PIEZO2: variants seen among roughly 807,000 people sequenced by gnomAD.
PIEZO2 encodes piezo type mechanosensitive ion channel component 2.
Under a neutral mutation model 337.3 loss-of-function variants are expected in PIEZO2, and 172 were observed. That is an observed-to-expected ratio of 0.51 (90% confidence interval 0.45 to 0.58). The LOEUF is 0.58. PIEZO2 is among the 20% of genes least tolerant of loss of function. The pLI, the probability that PIEZO2 is intolerant of heterozygous loss-of-function variation, is 0.00. For synonymous variants in PIEZO2, 1,251 were observed against 1,228.5 expected (o/e 1.02, Z -0.38); for missense variants, 3,028 against 3,391.3 (o/e 0.89, Z 2.66).
intron 1 of PIEZO2, among the ~76,000 whole-genome samples, chr18:11,142,358 C>T (rs536785886): frequency 5.3e-5 from 8 of 152,332 alleles, no homozygotes; most frequent in Middle Eastern, 6.8e-3. Context: ...GTGTCTCTGA[C>T]GGGCTTTTCA....
intron 11 of PIEZO2, among the ~76,000 whole-genome samples, chr18:10,798,943 G>A (rs1334652921): frequency 6.6e-6 from 1 of 152,018 alleles, no homozygotes; most frequent in Non-Finnish European, 1.5e-5. Flanking sequence ...TTGAAGCTAT[G>A]CAGCTCTCAG....
At chr18:11,022,965 G>A (rs1235218954) in intron 2 of PIEZO2, among the ~76,000 whole-genome samples, 1 of 151,886 alleles carries the variant, frequency 6.6e-6, no homozygotes, top group East Asian at 1.9e-4. Flanking sequence ...GCGCACCTTC[G>A]CAGCGAGTGT....
At chr18:10,752,301 A>C (rs2037678801) in intron 28 of PIEZO2, among the ~76,000 whole-genome samples, 1 of 152,220 alleles carries the variant, frequency 6.6e-6, no homozygotes, top group Non-Finnish European at 1.5e-5. Flanking sequence ...TTCAGCTCTT[A>C]ACAGGGCCAC....
At chr18:10,935,380 T>C (rs1408996485) in intron 3 of PIEZO2, among the ~76,000 whole-genome samples, 6 of 152,192 alleles carry the variant, frequency 3.9e-5, no homozygotes, top group Admixed American at 3.3e-4. Context: ...TGAGAGCTAC[T>C]CAGGGGGCAG....
rs1424205504 is a variant in PIEZO2 at position 10,855,620 on chromosome 18, C to CAATAAAA, written c.704-55_704-54insTTTTATT. The CAATAAAA allele has an allele frequency of 1.5e-6, 2 of 1,324,566 alleles. No homozygotes were observed. Among genetic ancestry groups the CAATAAAA allele is most frequent in the Non-Finnish European group, 2.1e-6 (2 of 961,910 alleles). The allele number at this position is 1,324,566 out of a possible 1,614,324, so 82.1% of individuals were successfully genotyped here. Reference sequence around the variant, plus strand: ...CAGGTAGAACTGGAAATTCACTTATCATTCAGTGAATGTGACTATTTGAAA... The same window carrying CAATAAAA: ...CAGGTAGAACTGGAAATTCACTTATCAATAAAAATTCAGTGAATGTGACTATTTGAAA... On this transcript the variant is annotated intron_variant, in intron 6 of 55. Transcript: ENST00000674853. The surrounding 1 kb of genome is among the most constrained non-coding windows in gnomAD (Gnocchi z 4.9).
intron 2 of PIEZO2, among the ~76,000 whole-genome samples, chr18:11,057,202 C>A (rs557955308): frequency 3.9e-4 from 59 of 152,138 alleles, no homozygotes; most frequent in Non-Finnish European, 5.7e-4. Flanking sequence ...TTGGCTCCCC[C>A]CAGCCTTCCT....
chr18:10,882,320 T>G (rs1233990315), intron 4 of PIEZO2, among the ~76,000 whole-genome samples: 1 of 152,186 alleles, frequency 6.6e-6, no homozygotes, highest in Non-Finnish European at 1.5e-5. Context: ...ACCCAAGGCC[T>G]TTCTCCAGTT....
chr18:11,144,188 G>C (rs2040748641), intron 1 of PIEZO2, among the ~76,000 whole-genome samples: 1 of 152,190 alleles, frequency 6.6e-6, no homozygotes, highest in Non-Finnish European at 1.5e-5. Context: ...CGGACACATA[G>C]CTGCAGCACC....
chr18:11,120,594 C>T (rs1033600120), intron 1 of PIEZO2, among the ~76,000 whole-genome samples: 1 of 152,142 alleles, frequency 6.6e-6, no homozygotes, highest in Non-Finnish European at 1.5e-5. Flanking sequence ...TAAAGGACTA[C>T]TGAACAGCCT....
In PIEZO2 at chr18:10,809,260, C is replaced by CTTTTTTTT. The variant is rs869210659; in HGVS notation, c.918-1994_918-1987dup. 5.6e-4 allele frequency among the ~76,000 whole-genome samples: 37 copies of CTTTTTTTT among 65,834 alleles called. 3 individuals are homozygous for CTTTTTTTT. The highest frequency in any genetic ancestry group is 9.5e-4 in the East Asian group (2 of 2,106). The allele number at this position is 65,834 out of a possible 152,430, so 43.2% of individuals were successfully genotyped here. On this transcript the variant is annotated intron_variant, in intron 7 of 55. Coordinates refer to ENST00000674853, the MANE Select transcript of PIEZO2 (RefSeq NM_001378183.1). Reference sequence around the variant, plus strand: ...ACCTAAGATTTCTCTCTCTCTCTCTCTTTTTTTTTTTTTTTTTTTTTTTTT... The same window carrying CTTTTTTTT: ...ACCTAAGATTTCTCTCTCTCTCTCTCTTTTTTTTTTTTTTTTTTTTTTTTTTTTTTTTT...
At chr18:10,671,847 A>G (rs1004982984) in intron 55 of PIEZO2, 68 bp from the exon 56 acceptor site, 22 of 1,352,672 alleles carry the variant, frequency 1.6e-5, no homozygotes, top group Non-Finnish European at 2.2e-5. Context: ...AAGCATGTCT[A>G]AAAGAAAAAA....
chr18:11,074,663 A>G (rs1414674798), intron 1 of PIEZO2, among the ~76,000 whole-genome samples: 1 of 152,256 alleles, frequency 6.6e-6, no homozygotes, highest in East Asian at 1.9e-4. Context: ...CTCAAGAAGT[A>G]GGAAAAATGA....
rs978368468 is a variant in PIEZO2, at chr18:10,973,705, T to C, written c.286+5830A>G. Among the ~76,000 whole-genome samples the C allele has an allele frequency of 1.3e-5, 2 of 151,964 alleles. No homozygotes were observed. The highest frequency in any genetic ancestry group is 4.8e-5 in the African/African-American group (2 of 41,374). ...TGTTGTGCCTGAATGAGTTAGGGAA[T>C]GGAAAGAGAAGGGGACGGGGCAAGG... On this transcript the variant is annotated intron_variant, in intron 3 of 55. Transcript: ENST00000674853. This position sits in a 1 kb window ranked among gnomAD's most constrained non-coding sequence, Gnocchi z 4.9.
chr18:10,916,225 G>A (rs1291017864), intron 3 of PIEZO2, among the ~76,000 whole-genome samples: 1 of 152,184 alleles, frequency 6.6e-6, no homozygotes, highest in Non-Finnish European at 1.5e-5. Flanking sequence ...GAGCCCAGCT[G>A]GCTTCGCCTA....
chr18:11,083,898 C>T lies in PIEZO2; in HGVS notation c.65-17676G>A, dbSNP rs142761514. ...ATTCAATTAAGAGAAAGGAGAGGGC[C>T]GGGAGTGGGGGCTCATGCCTGTTAT... On this transcript the variant is annotated intron_variant, in intron 1 of 55. Coordinates refer to ENST00000674853, the MANE Select transcript of PIEZO2 (RefSeq NM_001378183.1). The surrounding 1 kb of genome is among the most constrained non-coding windows in gnomAD (Gnocchi z 4.4). 1.3e-5 allele frequency among the ~76,000 whole-genome samples: 2 copies of T among 151,836 alleles called. No individual in the cohort carries two copies. The highest frequency in any genetic ancestry group is 2.4e-5 in the African/African-American group (1 of 41,338).
chr18:11,091,172 T>C (rs1269285241), intron 1 of PIEZO2, among the ~76,000 whole-genome samples: 4 of 151,580 alleles, frequency 2.6e-5, no homozygotes, highest in Non-Finnish European at 4.4e-5. Context: ...GATCACGAGG[T>C]CAGGAGTTGA....
chr18:10,791,312 T>C lies in PIEZO2; in HGVS notation c.1771A>G (p.Ile591Val). The C allele has an allele frequency of 6.6e-7, 1 of 1,513,184 alleles. No homozygotes were observed. Among genetic ancestry groups the C allele is most frequent in the Non-Finnish European group, 8.8e-7 (1 of 1,136,140 alleles). 93.7% of individuals were successfully genotyped at this position (1,513,184 alleles called of 1,614,324 possible). A position where few individuals can be genotyped will look rare whatever the true frequency, so the allele number is the denominator to read the frequency against. Residue 591 changes from isoleucine (I) to valine (V), a missense_variant, in exon 14 of 56, where the codon ATT becomes GTT. Coordinates refer to ENST00000674853, the MANE Select transcript of PIEZO2 (RefSeq NM_001378183.1). ...GELASKILFTITFWLLLRQHL... is the reference protein window; with the variant it reads ...GELASKILFTVTFWLLLRQHL... Reference sequence around the variant, plus strand: ...TGCCTCAGCAGTAGCCAAAAAGTAATGGTGAAAAGGATCTGAAAGTAGAGA... The same window carrying C: ...TGCCTCAGCAGTAGCCAAAAAGTAACGGTGAAAAGGATCTGAAAGTAGAGA...
chr18:10,714,818 C>T lies in PIEZO2; in HGVS notation c.5369G>A (p.Gly1790Asp). The change falls in exon 39 of 56, where the codon GGT becomes GAT. Residue 1790 changes from glycine to aspartate, a missense_variant. This residue lies in a region of PIEZO2 where 1,925 missense variants were observed against 2,051.9 expected (regional missense o/e 0.94). Coordinates refer to ENST00000674853, the MANE Select transcript of PIEZO2 (RefSeq NM_001378183.1). Reference sequence around the variant, plus strand: ...ATCCATCCTGTGGGCTGTCTGTGCACCTGAAGCAGCTCCGGGATGCTCGTC... The same window carrying T: ...ATCCATCCTGTGGGCTGTCTGTGCATCTGAAGCAGCTCCGGGATGCTCGTC... ...TIDEHPGAAS[G>D]AQTAHRMDSL... 1 of 1,537,230 alleles carries T rather than the reference C, an allele frequency of 6.5e-7. No individual in the cohort carries two copies. Among genetic ancestry groups the T allele is most frequent in the African/African-American group, 1.4e-5 (1 of 73,154 alleles).
Position 11,003,844 on chromosome 18 carries a change from C to T in PIEZO2, c.161-24184G>A, listed in dbSNP as rs534272359. Among the ~76,000 whole-genome samples the T allele has an allele frequency of 5.9e-5, 9 of 152,310 alleles. No homozygotes were observed. The highest frequency in any genetic ancestry group is 2.1e-4 in the South Asian group (1 of 4,808). ...GGACCTGGAAACAAAGTGATTTTTT[C>T]CCCTCATTGACATTGGAACAAAACA... On this transcript the variant is annotated intron_variant, in intron 2 of 55. Coordinates refer to ENST00000674853, the MANE Select transcript of PIEZO2 (RefSeq NM_001378183.1). The surrounding 1 kb of genome is among the most constrained non-coding windows in gnomAD (Gnocchi z 4.6).
Sources: gnomAD v4.1 joint callset for allele counts (sites outside exome capture counted in the v4.1 genomes callset) on GRCh38, gnomAD v4.1.1 for gene constraint, gnomAD v4.1.1 regional missense constraint, Gnocchi (gnomAD v3.1) non-coding constraint, MANE v1.5 for transcripts, NCBI Gene and HGNC (gene_info 2026-07-23, HGNC 2026-07-21) for gene names.